Variants in SMG1 observed in about 807,000 individuals in gnomAD.
The protein encoded by SMG1 is SMG1 nonsense mediated mRNA decay associated PI3K related kinase.
In SMG1, 22 loss-of-function variants were observed where a neutral mutation model predicts 419.9. The observed-to-expected ratio is 0.05, with a 90% CI of 0.04 to 0.07. SMG1 has a LOEUF of 0.07. SMG1 is among the 10% of genes least tolerant of loss of function. The pLI is 1.00. For synonymous variants in SMG1, 1,538 were observed against 1,553.5 expected, an observed-to-expected ratio of 0.99 and a Z score of 0.23; for missense variants, 3,185 against 4,342.0, an observed-to-expected ratio of 0.73 and a Z score of 7.49.
At chr16:18,835,803 G>T in intron 48 of SMG1, 130 bp downstream of exon 48, 1 of 835,986 alleles carries the variant, frequency 1.2e-6, no homozygotes. Flanking sequence ...GGAGGCTGAG[G>T]CAGAGGAATT....
At chr16:18,920,244 T>C (rs1019578337) in intron 1 of SMG1, among the ~76,000 whole-genome samples, 3 of 151,934 alleles carry the variant, frequency 2.0e-5, no homozygotes, top group African/African-American at 7.3e-5. Context: ...TAGCCGGGTG[T>C]GGTGGCACAT....
intron 35 of SMG1, 130 bp downstream of exon 35, chr16:18,849,819 G>T (rs1390538017): frequency 2.4e-6 from 2 of 834,004 alleles, no homozygotes; most frequent in Non-Finnish European, 3.7e-6. Context: ...GCAGTGCAGG[G>T]TGTCCTAGGA....
In SMG1 at chr16:18,808,314, C is replaced by A. The variant is rs1341073385; in HGVS notation, c.*1255G>T. Reference sequence around the variant, plus strand: ...AACTTAATAAAAGATGTTGGTGGATCTCATTTTCACTGTTTCATGTACATG... The same window carrying A: ...AACTTAATAAAAGATGTTGGTGGATATCATTTTCACTGTTTCATGTACATG... On this transcript the variant is annotated 3_prime_UTR_variant, in exon 63 of 63. Coordinates refer to ENST00000446231, the MANE Select transcript of SMG1 (RefSeq NM_015092.5). The A allele has an allele frequency of 1.3e-5, 2 of 152,146 alleles. No individual in the cohort carries two copies. Among genetic ancestry groups the A allele is most frequent in the Non-Finnish European group, 2.9e-5 (2 of 68,020 alleles). The allele number at this position is 152,146 out of a possible 1,614,324, so 9.4% of individuals were successfully genotyped here. A position where few individuals can be genotyped will look rare whatever the true frequency, so the allele number is the denominator to read the frequency against.
At chr16:18,851,646 G>GGTTC (rs2034603354) in intron 33 of SMG1, among the ~76,000 whole-genome samples, 1 of 152,144 alleles carries the variant, frequency 6.6e-6, no homozygotes, top group African/African-American at 2.4e-5. Flanking sequence ...ACATTCAAGT[G>GGTTC]GTTCACCTGC....
rs372465529 is a variant in SMG1 at position 18,829,300 on chromosome 16, T to C, written c.9589A>G (p.Ile3197Val). Reference protein sequence around the residue: ...KTSLQRVQLHIAMFQWQHEDL... With the variant: ...KTSLQRVQLHVAMFQWQHEDL... The stretch of plus-strand genomic sequence containing the variant: ...AAAACACTTACCTGAAACATGGCAA[T>C]ATGCAGCTGAACCCGCTGCAGGCTT... Residue 3197 changes from isoleucine (I) to valine (V), a missense_variant, in exon 54 of 63, where the codon ATT becomes GTT. Transcript: ENST00000446231. 2.5e-5 allele frequency: 40 copies of C among 1,611,266 alleles called. No homozygotes were observed. Among genetic ancestry groups the C allele is most frequent in the African/African-American group, 8.0e-5 (6 of 74,868 alleles).
Position 18,838,151 on chromosome 16 carries a change from T to C in SMG1, c.7276A>G (p.Thr2426Ala). 1 of 1,613,640 alleles carries C rather than the reference T, an allele frequency of 6.2e-7. No homozygotes were observed. The highest frequency in any genetic ancestry group is 8.5e-7 in the Non-Finnish European group (1 of 1,179,744). The change falls in exon 45 of 63, where the codon ACA (threonine) becomes GCA (alanine). Residue 2426 changes from threonine (T) to alanine (A), a missense_variant. By Grantham distance (58) the Thr-to-Ala change is moderately conservative. This residue lies in a region of SMG1 where 60 missense variants were observed against 133.9 expected (regional missense o/e 0.45). Transcript: ENST00000446231. ...AFVYDPLVDWTAGGEAGFAGA... is the reference protein window; with the variant it reads ...AFVYDPLVDWAAGGEAGFAGA... ...GCAAACCCAGCCTCGCCTCCTGCTG[T>C]CCAGTCCACCAGAGGGTCGTACACA... is the stretch of plus-strand genomic sequence containing the variant.
chr16:18,891,248 T>C (rs911771218), intron 4 of SMG1, among the ~76,000 whole-genome samples: 1 of 152,188 alleles, frequency 6.6e-6, no homozygotes, highest in Non-Finnish European at 1.5e-5. Context: ...AGGCAGTATT[T>C]AGGGTAAAAT....
In SMG1 at chr16:18,855,000, T is replaced by C. The variant is rs1271107239; in HGVS notation, c.4235-96A>G. ...AATTATTCCCCAACTATCCCTCTTC[T>C]GCACCACCTCCTGAAACAAAGATAA... On this transcript the variant is annotated intron_variant, in intron 29 of 62. Transcript: ENST00000446231. The C allele has an allele frequency of 7.4e-6, 7 of 946,030 alleles. No individual in the cohort carries two copies. The East Asian group carries it at 1.4e-4, about 20-fold the overall frequency. 58.6% of individuals were successfully genotyped at this position (946,030 alleles called of 1,614,324 possible).
rs1555507759 is a variant in SMG1, at chr16:18,919,655, TATAC to T, written c.92+6291_92+6294del. On this transcript the variant is annotated intron_variant, in intron 1 of 62. Transcript: ENST00000446231. ...AAAAATGTGTGTGTGTGTGTGTATA[TATAC>T]ACACACACACACACACACACACACA... 8.8e-3 allele frequency among the ~76,000 whole-genome samples: 706 copies of T among 80,010 alleles called. 7 individuals carry two copies. The highest frequency in any genetic ancestry group is 0.024 in the African/African-American group (511 of 20,866). The allele number at this position is 80,010 out of a possible 152,430, so 52.5% of individuals were successfully genotyped here. A position where few individuals can be genotyped will look rare whatever the true frequency, so the allele number is the denominator to read the frequency against.
chr16:18,837,099 TTTGTTTAC>T (rs1159168567), intron 46 of SMG1, among the ~76,000 whole-genome samples, 146 bp downstream of exon 46: 3 of 152,224 alleles, frequency 2.0e-5, no homozygotes, highest in Non-Finnish European at 4.4e-5. Context: ...TCAGTGAATT[TTTGTTTAC>T]TAACACTTTG....
intron 55 of SMG1, among the ~76,000 whole-genome samples, chr16:18,820,156 G>A (rs1369085474): frequency 1.3e-5 from 2 of 152,058 alleles, no homozygotes; most frequent in Admixed American, 6.6e-5. Flanking sequence ...AGTAAAGACG[G>A]AGTTTTACCA....
At position 18,926,180 on chromosome 16, in the gene SMG1, G is replaced by GAGA. The variant is rs1301033883; in HGVS notation, c.-142_-140dup. On this transcript the variant is annotated 5_prime_UTR_variant, in exon 1 of 63. Transcript: ENST00000446231. ...GAAGGAGGAGGAGGAGGAGGAGGAGGAGAAGGAGGAGGCGGCGGAGGGCGG... is the reference window on the plus strand; with the variant it reads ...GAAGGAGGAGGAGGAGGAGGAGGAGGAGAAGAAGGAGGAGGCGGCGGAGGGCGG... 7 of 668,642 alleles carry GAGA rather than the reference G, an allele frequency of 1.0e-5. No homozygotes were observed. Among genetic ancestry groups the GAGA allele is most frequent in the Non-Finnish European group, 1.6e-5 (7 of 432,746 alleles). 41.4% of individuals were successfully genotyped at this position (668,642 alleles called of 1,614,324 possible). A position where few individuals can be genotyped will look rare whatever the true frequency, so the allele number is the denominator to read the frequency against.
chr16:18,882,112 G>C lies in SMG1; in HGVS notation c.1293+53C>G, dbSNP rs868384338. 9.9e-6 allele frequency: 13 copies of C among 1,317,568 alleles called. No individual in the cohort carries two copies. In the Middle Eastern group the frequency reaches 8.2e-4, roughly 83 times the overall value. 81.6% of individuals were successfully genotyped at this position (1,317,568 alleles called of 1,614,324 possible). ...CACCAGGTAAAGAGAAGCATTTACAGTGTAAAACAATTTTATTTTTGAATG... is the reference window on the plus strand; with the variant it reads ...CACCAGGTAAAGAGAAGCATTTACACTGTAAAACAATTTTATTTTTGAATG... On this transcript the variant is annotated intron_variant, in intron 10 of 62. Transcript: ENST00000446231.
chr16:18,906,199 A>G (rs2037555013), intron 1 of SMG1, among the ~76,000 whole-genome samples: 1 of 151,940 alleles, frequency 6.6e-6, no homozygotes. Flanking sequence ...AAAAAAAGGT[A>G]CCAGCTGCGC....
rs1355311416 is a variant in SMG1, at chr16:18,809,394, G to A, written c.*175C>T. 3.3e-6 allele frequency: 2 copies of A among 611,646 alleles called. No individual in the cohort carries two copies. The highest frequency in any genetic ancestry group is 1.9e-5 in the African/African-American group (1 of 53,946). 37.9% of individuals were successfully genotyped at this position (611,646 alleles called of 1,614,324 possible). ...GCCATGGTGTTGGGCGTATCCCTGA[G>A]TGCAGCTGTCCTGCGGGATTCACTT... On this transcript the variant is annotated 3_prime_UTR_variant, in exon 63 of 63. Transcript: ENST00000446231.
intron 5 of SMG1, 72 bp downstream of exon 5, chr16:18,890,791 T>C: frequency 1.2e-6 from 1 of 800,120 alleles, no homozygotes. Context: ...GTTTGTCTTC[T>C]TGTGTATTGT....
At chr16:18,876,946 A>G (rs1010562111) in intron 12 of SMG1, among the ~76,000 whole-genome samples, 185 bp downstream of exon 12, 9 of 152,164 alleles carry the variant, frequency 5.9e-5, no homozygotes, top group South Asian at 4.1e-4. Flanking sequence ...CTGGCACATC[A>G]TTCATGAAAG....
At chr16:18,846,436 C>A (rs1050634088) in intron 38 of SMG1, among the ~76,000 whole-genome samples, 1 of 152,102 alleles carries the variant, frequency 6.6e-6, no homozygotes, top group Non-Finnish European at 1.5e-5. Context: ...AATGAAAAGA[C>A]AACCCACAGA....
chr16:18,844,307 T>C (rs1391160334), intron 39 of SMG1, among the ~76,000 whole-genome samples: 1 of 151,776 alleles, frequency 6.6e-6, no homozygotes, highest in Non-Finnish European at 1.5e-5. Flanking sequence ...TGTGTGCCTG[T>C]AATCCCAGCT....
Sources: gnomAD v4.1 joint callset for allele counts (sites outside exome capture counted in the v4.1 genomes callset) on GRCh38, gnomAD v4.1.1 for gene constraint, gnomAD v4.1.1 regional missense constraint, MANE v1.5 for transcripts, NCBI Gene and HGNC (gene_info 2026-07-23, HGNC 2026-07-21) for gene names.